FNDC3B: variants seen among roughly 807,000 people sequenced by gnomAD.
FNDC3B encodes fibronectin type III domain-containing protein 3B.
FNDC3B carries 12 observed loss-of-function variants against 151.5 expected under a neutral mutation model. The ratio of observed to expected loss-of-function variants is 0.08; its 90% confidence interval spans 0.05 to 0.13. The LOEUF (loss-of-function observed/expected upper bound fraction) is 0.13. Among genes scored for constraint, FNDC3B ranks in the 10% least tolerant of loss-of-function variants. The probability of loss-of-function intolerance (pLI) is 1.00; values close to 1 mark genes in which losing one functional copy is unlikely to be tolerated. For synonymous variants in FNDC3B, 528 were observed against 549.0 expected (o/e 0.96, Z 0.54); for missense variants, 1,214 against 1,505.3 (o/e 0.81, Z 3.20).
Position 172,337,467 on chromosome 3 carries a change from G to A in FNDC3B, c.1852+66G>A, listed in dbSNP as rs777040118. 1.2e-5 allele frequency: 12 copies of A among 997,574 alleles called. No homozygotes were observed. The African/African-American group carries it at 1.4e-4, about 12-fold the overall frequency. The allele number at this position is 997,574 out of a possible 1,614,324, so 61.8% of individuals were successfully genotyped here. A position where few individuals can be genotyped will look rare whatever the true frequency, so the allele number is the denominator to read the frequency against. On this transcript the variant is annotated intron_variant, in intron 16 of 25. Coordinates refer to ENST00000415807, the MANE Select transcript of FNDC3B (RefSeq NM_022763.4). ...AGCTCTGTTTTCTAATATAGTAAATGTCTTTATAGTAATAGTGAGTAATCA... is the reference window on the plus strand; with the variant it reads ...AGCTCTGTTTTCTAATATAGTAAATATCTTTATAGTAATAGTGAGTAATCA...
chr3:172,285,691 A>G (rs1729973202), intron 6 of FNDC3B, among the ~76,000 whole-genome samples: 1 of 152,168 alleles, frequency 6.6e-6, no homozygotes, highest in African/African-American at 2.4e-5. Flanking sequence ...AATCTCCTTA[A>G]CATCGCGAAC....
chr3:172,352,689 C>A lies in FNDC3B; in HGVS notation c.2515-114C>A. 2 of 1,027,280 alleles carry A rather than the reference C, an allele frequency of 1.9e-6. No individual in the cohort carries two copies. Among genetic ancestry groups the A allele is most frequent in the Non-Finnish European group, 2.8e-6 (2 of 712,182 alleles). 63.6% of individuals were successfully genotyped at this position (1,027,280 alleles called of 1,614,324 possible). On this transcript the variant is annotated intron_variant, in intron 21 of 25. Coordinates refer to ENST00000415807, the MANE Select transcript of FNDC3B (RefSeq NM_022763.4). The surrounding 1 kb of genome is among the most constrained non-coding windows in gnomAD (Gnocchi z 4.2). The stretch of plus-strand genomic sequence containing the variant: ...GACATTTTCTAGGATTTATTTCTAC[C>A]TGCATATGTGGAAATGTGTACTACT...
chr3:172,068,590 A>G (rs746434720), intron 1 of FNDC3B, among the ~76,000 whole-genome samples: 7 of 151,990 alleles, frequency 4.6e-5, no homozygotes, highest in Non-Finnish European at 8.8e-5. Flanking sequence ...CGCTCTGGTA[A>G]TTGTTTGTAT....
intron 1 of FNDC3B, among the ~76,000 whole-genome samples, chr3:172,046,268 C>T (rs975938231): frequency 1.3e-5 from 2 of 152,126 alleles, no homozygotes; most frequent in Admixed American, 6.5e-5. Context: ...AGTGTTGGAT[C>T]AGAATTTCTG....
chr3:172,328,905 G>GTT (rs201161345), intron 11 of FNDC3B, 47 bp from the exon 12 acceptor site: 51,514 of 1,094,222 alleles, frequency 0.047, 385 homozygotes, highest in Middle Eastern at 0.093. Context: ...GTTATCTGTT[G>GTT]TTTTTTTTTT....
chr3:172,268,596 C>T (rs1729034599), intron 6 of FNDC3B, among the ~76,000 whole-genome samples: 1 of 152,160 alleles, frequency 6.6e-6, no homozygotes, highest in Admixed American at 6.5e-5. Flanking sequence ...TCATGTAGAT[C>T]ACAGCTCTCC....
chr3:172,219,366 C>T (rs939074217), intron 3 of FNDC3B, among the ~76,000 whole-genome samples: 1 of 152,192 alleles, frequency 6.6e-6, no homozygotes, highest in Admixed American at 6.5e-5. Flanking sequence ...AATGTGCTCT[C>T]AGAGATTTAT....
chr3:172,156,751 G>T (rs1342109558), intron 3 of FNDC3B, among the ~76,000 whole-genome samples: 3 of 146,012 alleles, frequency 2.1e-5, no homozygotes, highest in Non-Finnish European at 4.5e-5. Context: ...GTATTTATTT[G>T]GTTAAAAAGC....
chr3:172,103,222 C>A (rs1289386661), intron 1 of FNDC3B, among the ~76,000 whole-genome samples: 1 of 152,006 alleles, frequency 6.6e-6, no homozygotes, highest in Non-Finnish European at 1.5e-5. Flanking sequence ...CAAAACTGAG[C>A]TGGTATTATG....
At chr3:172,325,041 C>T (rs1345592992) in intron 11 of FNDC3B, among the ~76,000 whole-genome samples, 1 of 152,204 alleles carries the variant, frequency 6.6e-6, no homozygotes, top group East Asian at 1.9e-4. Context: ...CTGTGTGACA[C>T]ACCACAAGTG....
At chr3:172,323,058 T>C (rs1448151861) in intron 11 of FNDC3B, among the ~76,000 whole-genome samples, 1 of 145,178 alleles carries the variant, frequency 6.9e-6, no homozygotes, top group Non-Finnish European at 1.5e-5. Flanking sequence ...GCAGGGAATA[T>C]AAATGTATTT....
chr3:172,355,944 G>A (rs914914988), intron 22 of FNDC3B, among the ~76,000 whole-genome samples: 2 of 152,216 alleles, frequency 1.3e-5, no homozygotes, highest in Admixed American at 1.3e-4. Flanking sequence ...TGAGCAGTTA[G>A]TGAGGTTGCC....
intron 1 of FNDC3B, among the ~76,000 whole-genome samples, chr3:172,074,315 C>T (rs184455483): frequency 2.6e-5 from 4 of 152,304 alleles, no homozygotes; most frequent in Admixed American, 2.6e-4. Flanking sequence ...GCTGTGAATT[C>T]CGTAACTCAG....
intron 1 of FNDC3B, among the ~76,000 whole-genome samples, chr3:172,085,062 G>T (rs1046150976): frequency 2.0e-5 from 3 of 152,164 alleles, no homozygotes; most frequent in Non-Finnish European, 4.4e-5. Context: ...AATACGTGGT[G>T]CTACAAGGTG....
At chr3:172,116,420 C>G (rs1387579759) in intron 2 of FNDC3B, among the ~76,000 whole-genome samples, 2 of 152,168 alleles carry the variant, frequency 1.3e-5, no homozygotes, top group African/African-American at 2.4e-5. Flanking sequence ...TCCCTATTTC[C>G]TGTTTCTCTC....
At chr3:172,330,858 C>A in intron 13 of FNDC3B, 143 bp downstream of exon 13, 1 of 619,614 alleles carries the variant, frequency 1.6e-6, no homozygotes, top group Non-Finnish European at 2.8e-6. Context: ...ACTACCAACA[C>A]CGGCCTGTTC....
chr3:172,377,145 T>G (rs192874596), intron 23 of FNDC3B, among the ~76,000 whole-genome samples: 16 of 152,268 alleles, frequency 1.1e-4, no homozygotes, highest in African/African-American at 3.6e-4. Flanking sequence ...GGCCCAAGAG[T>G]CAGACATTTT....
intron 17 of FNDC3B, among the ~76,000 whole-genome samples, chr3:172,342,626 T>C (rs1733384538): frequency 6.6e-6 from 1 of 152,218 alleles, no homozygotes; most frequent in African/African-American, 2.4e-5. Context: ...TGGTTGGCCA[T>C]TTATGGTACC....
chr3:172,397,356 G>T lies in FNDC3B; in HGVS notation c.3496G>T (p.Asp1166Tyr), dbSNP rs1239969160. Residue 1166 changes from aspartate (D) to tyrosine (Y), a missense_variant, in exon 26 of 26, where the codon GAT becomes TAT. Around this residue, in one of 7 missense-constraint regions of FNDC3B, gnomAD observed 284 missense variants for 392.4 expected, o/e 0.72. Coordinates refer to ENST00000415807, the MANE Select transcript of FNDC3B (RefSeq NM_022763.4). ...MLTGDMGSLD[D>Y]PKMKSMMPTD... ...TACAGGGGACATGGGGAGCTTAGATGATCCCAAAATGAAGAGCATGATGCC... is the reference window on the plus strand; with the variant it reads ...TACAGGGGACATGGGGAGCTTAGATTATCCCAAAATGAAGAGCATGATGCC... 2 of 1,614,186 alleles carry T rather than the reference G, an allele frequency of 1.2e-6. No homozygotes were observed. The highest frequency in any genetic ancestry group is 1.7e-5 in the Admixed American group (1 of 60,030).
Sources: gnomAD v4.1 joint callset for allele counts (sites outside exome capture counted in the v4.1 genomes callset) on GRCh38, gnomAD v4.1.1 for gene constraint, gnomAD v4.1.1 regional missense constraint, Gnocchi (gnomAD v3.1) non-coding constraint, MANE v1.5 for transcripts, NCBI Gene and HGNC (gene_info 2026-07-23, HGNC 2026-07-21) for gene names.